The following ZNF469 variants were observed in gnomAD, a reference collection of about 807,000 sequenced individuals.
The protein encoded by ZNF469 is zinc finger protein 469.
ZNF469 carries 1 observed loss-of-function variant against 1.0 expected under a neutral mutation model. The ratio of observed to expected loss-of-function variants is 1.00; its 90% CI spans 0.35 to 4.73. The LOEUF (loss-of-function observed/expected upper bound fraction) is 4.73, where lower values mean the gene tolerates loss of function less well. ZNF469 is among the 30% of genes most tolerant of loss of function. The pLI, the probability that ZNF469 is intolerant of heterozygous loss-of-function variation, is 0.16. For missense variants in ZNF469, 6,100 were observed against 5,356.3 expected (o/e 1.14, Z -4.33); for synonymous variants, 2,703 against 2,363.4 (o/e 1.14, Z -4.17).
the ZNF469 span, among the ~76,000 whole-genome samples, chr16:88,358,833 C>T: frequency 1.3e-5 from 2 of 152,086 alleles, no homozygotes; most frequent in Non-Finnish European, 2.9e-5. Context: ...ATTCTCCTGC[C>T]TCAGCCTCCT....
chr16:88,140,965 C>T, the ZNF469 span, among the ~76,000 whole-genome samples: 1 of 151,942 alleles, frequency 6.6e-6, no homozygotes, highest in South Asian at 2.1e-4. Context: ...ACAAAAAAAT[C>T]AAGTCTAGCG....
chr16:88,336,231 T>A, the ZNF469 span, among the ~76,000 whole-genome samples: 3 of 150,418 alleles, frequency 2.0e-5, no homozygotes, highest in African/African-American at 7.4e-5. Context: ...CGTTCATCCT[T>A]CACGTGAGAC....
the ZNF469 span, among the ~76,000 whole-genome samples, chr16:88,363,688 G>A: frequency 1.7e-3 from 254 of 152,334 alleles, 1 homozygote; most frequent in African/African-American, 5.9e-3. Context: ...AGTTTTAGCT[G>A]TCCCACGTGG....
At chr16:88,411,042 T>C (rs1299460635) in intron 1 of ZNF469, among the ~76,000 whole-genome samples, 5 of 152,206 alleles carry the variant, frequency 3.3e-5, no homozygotes, top group Non-Finnish European at 7.4e-5. Flanking sequence ...GAAGGACACC[T>C]GTCTTTGGAT....
the ZNF469 span, among the ~76,000 whole-genome samples, chr16:88,230,450 G>T: frequency 9.4e-4 from 143 of 152,312 alleles, no homozygotes; most frequent in Admixed American, 1.2e-3. Context: ...ATGAGCAGGG[G>T]TCACTGTGGG....
chr16:88,355,870 C>T, the ZNF469 span, among the ~76,000 whole-genome samples: 3,173 of 152,266 alleles, frequency 0.021, 118 homozygotes, highest in African/African-American at 0.071. Context: ...CTTTGGGGTG[C>T]AGACATGCCC....
At chr16:88,136,003 C>A in the ZNF469 span, among the ~76,000 whole-genome samples, 1 of 152,058 alleles carries the variant, frequency 6.6e-6, no homozygotes. Flanking sequence ...TCGTGATCCA[C>A]CCACCTTCGC....
chr16:88,372,010 A>T, the ZNF469 span, among the ~76,000 whole-genome samples: 1 of 143,956 alleles, frequency 6.9e-6, no homozygotes, highest in Admixed American at 7.0e-5. Flanking sequence ...CATCACCATC[A>T]TCACCATCAC....
chr16:88,437,795 G>T lies in ZNF469; in HGVS notation c.10325G>T (p.Arg3442Met), dbSNP rs199528724. 169 of 1,545,246 alleles carry T rather than the reference G, an allele frequency of 1.1e-4. 1 individual carries two copies. The highest frequency in any genetic ancestry group is 3.9e-4 in the East Asian group (16 of 40,740). ...GACCGCCACATGAACAAGCACCTCA[G>T]GGGGGGGCGGCAGCCCTTCGCGTTC... is the stretch of plus-strand genomic sequence containing the variant. ...QFDRHMNKHL[R>M]GGRQPFAFRG... Residue 3442 changes from arginine to methionine, a missense_variant, in exon 3 of 3, where the codon AGG becomes ATG. Arg to Met is a moderately conservative substitution (Grantham distance 91, BLOSUM62 -1). Coordinates refer to ENST00000565624, the MANE Select transcript of ZNF469 (RefSeq NM_001367624.2).
At chr16:88,427,066 C>T (rs76959547) in intron 2 of ZNF469, among the ~76,000 whole-genome samples, 4,852 of 152,214 alleles carry the variant, frequency 0.032, 113 homozygotes, top group East Asian at 0.075. Flanking sequence ...AAAGCTCCCC[C>T]TCCCTCCCCC....
the ZNF469 span, among the ~76,000 whole-genome samples, chr16:88,108,235 G>A: frequency 7.5e-5 from 11 of 147,136 alleles, no homozygotes; most frequent in Admixed American, 4.0e-4. Flanking sequence ...GTGGGGATGC[G>A]GGGAGGGGGG....
the ZNF469 span, chr16:88,177,829 T>C: frequency 6.6e-6 from 1 of 152,266 alleles, no homozygotes; most frequent in Admixed American, 6.5e-5. This position sits in a 1 kb window ranked among gnomAD's most constrained non-coding sequence, Gnocchi z 4.8. Flanking sequence ...TGCCTCAGCC[T>C]CCCGAGTAGC....
chr16:88,269,079 C>G, the ZNF469 span, among the ~76,000 whole-genome samples: 21 of 152,210 alleles, frequency 1.4e-4, no homozygotes, highest in African/African-American at 5.1e-4. Context: ...CTGGGTCCCT[C>G]TGCTCAGCCC....
the ZNF469 span, among the ~76,000 whole-genome samples, chr16:88,304,580 CT>C: frequency 6.6e-6 from 1 of 152,158 alleles, no homozygotes. Flanking sequence ...AGGAATGTGC[CT>C]GTCCAGGGCT....
chr16:88,215,901 A>G, the ZNF469 span, among the ~76,000 whole-genome samples: 2 of 152,022 alleles, frequency 1.3e-5, no homozygotes, highest in African/African-American at 4.8e-5. Flanking sequence ...AAACCCCACA[A>G]TCCATTCCTA....
the ZNF469 span, among the ~76,000 whole-genome samples, chr16:88,330,942 A>G: frequency 0.22 from 33,433 of 152,088 alleles, 3,808 homozygotes; most frequent in African/African-American, 0.23. Context: ...CTAAACACTG[A>G]GCAGCTGCAT....
chr16:88,335,314 C>A, the ZNF469 span, among the ~76,000 whole-genome samples: 1 of 152,208 alleles, frequency 6.6e-6, no homozygotes. Context: ...TCTGGATGCA[C>A]GTCAGGAATG....
At chr16:88,329,396 C>T in the ZNF469 span, among the ~76,000 whole-genome samples, 93 of 152,346 alleles carry the variant, frequency 6.1e-4, no homozygotes, top group Non-Finnish European at 1.0e-3. Flanking sequence ...TCCCACCAAC[C>T]GCACATCGCT....
the ZNF469 span, among the ~76,000 whole-genome samples, chr16:88,320,575 G>C: frequency 2.1e-4 from 32 of 152,166 alleles, no homozygotes; most frequent in African/African-American, 7.5e-4. Flanking sequence ...GTAGAGACTG[G>C]GTTTTACTAC....
Sources: gnomAD v4.1 joint callset for allele counts (sites outside exome capture counted in the v4.1 genomes callset) on GRCh38, gnomAD v4.1.1 for gene constraint, Gnocchi (gnomAD v3.1) non-coding constraint, MANE v1.5 for transcripts, NCBI Gene and HGNC (gene_info 2026-07-23, HGNC 2026-07-21) for gene names.